Variants in RIMS2 observed in about 807,000 individuals in gnomAD.
RIMS2 encodes regulating synaptic membrane exocytosis protein 2.
RIMS2 carries 59 observed loss-of-function variants against 174.4 expected under a neutral mutation model. That is an observed-to-expected ratio of 0.34 (90% CI 0.27 to 0.42). The LOEUF (loss-of-function observed/expected upper bound fraction) is 0.42, where lower values mean the gene tolerates loss of function less well. Ranked by LOEUF, RIMS2 falls within the 10% of genes least tolerant of loss-of-function variation. The pLI is 1.00. For synonymous variants in RIMS2, 606 were observed against 572.5 expected (o/e 1.06, Z -0.84); for missense variants, 1,620 against 1,666.3 (o/e 0.97, Z 0.48).
At chr8:104,228,331 C>T (rs1183346662) in intron 19 of RIMS2, among the ~76,000 whole-genome samples, 1 of 152,022 alleles carries the variant, frequency 6.6e-6, no homozygotes. Context: ...CCCGGCCTAG[C>T]TTCACTCTTT....
intron 3 of RIMS2, among the ~76,000 whole-genome samples, chr8:103,875,633 G>T (rs1262108524): frequency 4.6e-5 from 7 of 151,928 alleles, no homozygotes; most frequent in African/African-American, 1.7e-4. Flanking sequence ...CTCAGTAGTG[G>T]GTTTGGTGAA....
chr8:103,876,901 T>TATATAC (rs1432198381), intron 3 of RIMS2, among the ~76,000 whole-genome samples: 1 of 62,690 alleles, frequency 1.6e-5, no homozygotes, highest in African/African-American at 7.0e-5. Context: ...TATATATATA[T>TATATAC]ATATATATAC....
intron 19 of RIMS2, among the ~76,000 whole-genome samples, chr8:104,151,604 T>C (rs1056870871): frequency 6.6e-6 from 1 of 151,444 alleles, no homozygotes; most frequent in Non-Finnish European, 1.5e-5. Flanking sequence ...AAAGAGATGT[T>C]GGGGAAAGAG....
intron 2 of RIMS2, among the ~76,000 whole-genome samples, chr8:103,739,497 G>T (rs1019792266): frequency 1.3e-5 from 2 of 152,116 alleles, no homozygotes; most frequent in African/African-American, 4.8e-5. Context: ...CCTGCACGTT[G>T]TGCACATGTA....
intron 19 of RIMS2, among the ~76,000 whole-genome samples, chr8:104,030,426 T>C (rs913845939): frequency 3.3e-5 from 5 of 152,200 alleles, no homozygotes; most frequent in Non-Finnish European, 5.9e-5. Context: ...TTATAAGATA[T>C]ATAATTATTT....
intron 2 of RIMS2, among the ~76,000 whole-genome samples, chr8:103,700,045 T>A (rs1440749633): frequency 1.3e-5 from 2 of 152,190 alleles, no homozygotes; most frequent in Non-Finnish European, 2.9e-5. Flanking sequence ...CATATTCTTC[T>A]GTTTTTGGCC....
At chr8:103,579,449 C>G (rs1039804994) in intron 1 of RIMS2, among the ~76,000 whole-genome samples, 4 of 152,242 alleles carry the variant, frequency 2.6e-5, no homozygotes, top group Non-Finnish European at 5.9e-5. Flanking sequence ...GCAGTCCATT[C>G]ATAACTTTAG....
At chr8:103,928,028 G>A (rs1193157804) in intron 11 of RIMS2, 8 of 639,248 alleles carry the variant, frequency 1.3e-5, no homozygotes, top group South Asian at 2.3e-5. Flanking sequence ...CATTTTATTA[G>A]CCAGCTTGTA....
intron 3 of RIMS2, among the ~76,000 whole-genome samples, chr8:103,881,274 G>A (rs1357572764): frequency 1.3e-5 from 2 of 151,288 alleles, no homozygotes; most frequent in African/African-American, 4.8e-5. Context: ...TACAGTGTAG[G>A]TTTCCATGTA....
At chr8:103,934,864 A>G (rs974858653) in intron 12 of RIMS2, among the ~76,000 whole-genome samples, 1 of 151,792 alleles carries the variant, frequency 6.6e-6, no homozygotes, top group Non-Finnish European at 1.5e-5. Flanking sequence ...TTCCTGGCTA[A>G]TTTTTTGTAT....
At chr8:103,817,644 G>A (rs1052708208) in intron 3 of RIMS2, among the ~76,000 whole-genome samples, 2 of 152,136 alleles carry the variant, frequency 1.3e-5, no homozygotes, top group Non-Finnish European at 2.9e-5. Flanking sequence ...GCTGGGCGTG[G>A]TGGCACACTC....
intron 3 of RIMS2, among the ~76,000 whole-genome samples, chr8:103,873,900 C>T (rs1263069657): frequency 6.6e-6 from 1 of 151,938 alleles, no homozygotes; most frequent in Non-Finnish European, 1.5e-5. Context: ...GTCTATGTCA[C>T]AGATTCTATG....
chr8:103,871,629 G>GT (rs963694126), intron 3 of RIMS2, among the ~76,000 whole-genome samples: 12 of 151,636 alleles, frequency 7.9e-5, no homozygotes, highest in Admixed American at 4.6e-4. Flanking sequence ...ATTTACAAAG[G>GT]TTTTTTTTAA....
At chr8:103,550,827 A>G (rs1847468994) in intron 1 of RIMS2, among the ~76,000 whole-genome samples, 1 of 152,166 alleles carries the variant, frequency 6.6e-6, no homozygotes, top group Non-Finnish European at 1.5e-5. Flanking sequence ...TACTATAAAC[A>G]CCTCTGCGCA....
At chr8:103,633,730 G>A (rs532690058) in intron 1 of RIMS2, among the ~76,000 whole-genome samples, 46 of 151,970 alleles carry the variant, frequency 3.0e-4, no homozygotes, top group African/African-American at 1.1e-3. Context: ...GTCCATTCGG[G>A]GAATCAGTTT....
At chr8:104,038,513 C>A (rs1388754415) in intron 19 of RIMS2, among the ~76,000 whole-genome samples, 2 of 151,816 alleles carry the variant, frequency 1.3e-5, no homozygotes, top group Non-Finnish European at 2.9e-5. Context: ...AGAAAGAGTT[C>A]TCATTAGAAC....
chr8:104,080,875 T>G (rs1249403162), intron 19 of RIMS2, among the ~76,000 whole-genome samples: 2 of 152,008 alleles, frequency 1.3e-5, no homozygotes, highest in Non-Finnish European at 2.9e-5. Context: ...AATACTCCAG[T>G]CTGGAAATAA....
At chr8:103,835,119 T>TG (rs2098868629) in intron 3 of RIMS2, among the ~76,000 whole-genome samples, 1 of 148,980 alleles carries the variant, frequency 6.7e-6, no homozygotes, top group Admixed American at 6.7e-5. Context: ...TTTTTTTTTT[T>TG]GAGACAGAGT....
At chr8:103,921,757 C>T (rs1348394377) in exon 10 of RIMS2, 3 of 1,484,454 alleles carry the variant, frequency 2.0e-6, no homozygotes, top group Admixed American at 1.7e-5. Context: ...TGAGGGATGT[C>T]CCACAGTTCT....
Sources: allele counts gnomAD v4.1 joint callset (sites outside exome capture counted in the v4.1 genomes callset), GRCh38; gene constraint gnomAD v4.1.1; transcripts MANE v1.5; gene names NCBI Gene and HGNC (gene_info 2026-07-23, HGNC 2026-07-21).